Variants in ATRNL1 observed in about 807,000 individuals in gnomAD.
ATRNL1 encodes the protein attractin like 1.
A neutral mutation model predicts 182.7 loss-of-function variants in ATRNL1; 95 were observed. The observed-to-expected ratio is 0.52, with a 90% CI of 0.44 to 0.62. The LOEUF (loss-of-function observed/expected upper bound fraction) is 0.62, where lower values mean the gene tolerates loss of function less well. Among genes scored for constraint, ATRNL1 ranks in the 20% least tolerant of loss-of-function variants. The probability of loss-of-function intolerance (pLI) is 0.00; values close to 1 mark genes in which losing one functional copy is unlikely to be tolerated. For synonymous variants in ATRNL1, 576 were observed against 568.3 expected (o/e 1.01, Z -0.19); for missense variants, 1,471 against 1,679.5 (o/e 0.88, Z 2.17).
intron 26 of ATRNL1, among the ~76,000 whole-genome samples, chr10:115,598,350 ATTAT>A (rs35735636): frequency 8.2e-5 from 12 of 145,856 alleles, no homozygotes; most frequent in Admixed American, 1.4e-4. Context: ...ATTTAAAAAA[ATTAT>A]TTATTTATTT....
At chr10:115,587,610 C>G (rs1339788471) in intron 26 of ATRNL1, among the ~76,000 whole-genome samples, 3 of 113,462 alleles carry the variant, frequency 2.6e-5, no homozygotes, top group Non-Finnish European at 5.8e-5. Context: ...GCCTCGCCCG[C>G]TTCGGCTCGC....
At chr10:115,866,884 G>A (rs956138895) in intron 28 of ATRNL1, among the ~76,000 whole-genome samples, 7 of 152,120 alleles carry the variant, frequency 4.6e-5, no homozygotes, top group South Asian at 2.1e-4. Flanking sequence ...ATGCACATCC[G>A]CCTCTGAGTC....
chr10:115,474,031 A>G (rs1210213765), intron 24 of ATRNL1, among the ~76,000 whole-genome samples: 1 of 151,000 alleles, frequency 6.6e-6, no homozygotes, highest in Non-Finnish European at 1.5e-5. Flanking sequence ...TATCTTTTCT[A>G]TTGTTTTTCT....
At chr10:115,798,092 T>A (rs1555083450) in intron 27 of ATRNL1, among the ~76,000 whole-genome samples, 1 of 152,072 alleles carries the variant, frequency 6.6e-6, no homozygotes, top group African/African-American at 2.4e-5. Flanking sequence ...TAATTTTTTG[T>A]ATTTTTCGTA....
At chr10:115,292,361 C>A (rs1031370082) in intron 15 of ATRNL1, among the ~76,000 whole-genome samples, 19 of 151,498 alleles carry the variant, frequency 1.3e-4, no homozygotes, top group Non-Finnish European at 2.1e-4. Flanking sequence ...CAATAAAGAT[C>A]ATGATTGCCA....
intron 23 of ATRNL1, among the ~76,000 whole-genome samples, chr10:115,467,743 A>G (rs1848121125): frequency 6.6e-6 from 1 of 150,746 alleles, no homozygotes; most frequent in African/African-American, 2.4e-5. Context: ...AAACTGATAC[A>G]TAATATGTCT....
chr10:115,187,775 G>T (rs1184748657), intron 8 of ATRNL1, among the ~76,000 whole-genome samples: 3 of 143,454 alleles, frequency 2.1e-5, no homozygotes, highest in Non-Finnish European at 4.5e-5. Flanking sequence ...TCCACTTCCC[G>T]GGTTCAAGTG....
intron 9 of ATRNL1, among the ~76,000 whole-genome samples, chr10:115,226,347 A>G (rs1299863950): frequency 3.3e-5 from 5 of 152,110 alleles, no homozygotes; most frequent in Non-Finnish European, 5.9e-5. Flanking sequence ...ATGAGTAAAG[A>G]AAGATTTCTT....
intron 19 of ATRNL1, among the ~76,000 whole-genome samples, chr10:115,391,388 G>A (rs1320651371): frequency 6.6e-6 from 1 of 152,150 alleles, no homozygotes; most frequent in Non-Finnish European, 1.5e-5. Flanking sequence ...GTCTGGTAGT[G>A]GGATGGGTCT....
chr10:115,128,476 T>G, intron 4 of ATRNL1: 1 of 752,696 alleles, frequency 1.3e-6, no homozygotes, highest in Non-Finnish European at 1.6e-6. Flanking sequence ...CAGCAATTTA[T>G]TATGGAATTT....
At chr10:115,266,443 T>TA (rs552078476) in intron 11 of ATRNL1, among the ~76,000 whole-genome samples, 1 of 151,562 alleles carries the variant, frequency 6.6e-6, no homozygotes, top group East Asian at 1.9e-4. Flanking sequence ...TCTATATTAT[T>TA]AAAAAAATAC....
At chr10:115,140,106 G>A (rs180755158) in intron 5 of ATRNL1, among the ~76,000 whole-genome samples, 9 of 152,302 alleles carry the variant, frequency 5.9e-5, no homozygotes, top group Non-Finnish European at 1.3e-4. Context: ...AGAAAGAATT[G>A]TAAATTGCCT....
intron 10 of ATRNL1, among the ~76,000 whole-genome samples, chr10:115,255,638 T>A (rs1173563134): frequency 3.3e-5 from 5 of 152,138 alleles, no homozygotes; most frequent in African/African-American, 1.2e-4. Flanking sequence ...TTTCTTTCTC[T>A]TGCTTGATTG....
chr10:115,274,608 A>G (rs541765195), intron 13 of ATRNL1, among the ~76,000 whole-genome samples: 1 of 152,284 alleles, frequency 6.6e-6, no homozygotes, highest in Non-Finnish European at 1.5e-5. Context: ...GATGTTATCA[A>G]TATTATGGAT....
intron 20 of ATRNL1, among the ~76,000 whole-genome samples, chr10:115,413,386 T>C (rs1684062418): frequency 6.6e-6 from 1 of 152,098 alleles, no homozygotes; most frequent in East Asian, 1.9e-4. Context: ...AAAATAAAAA[T>C]TTGTTTATTC....
intron 10 of ATRNL1, among the ~76,000 whole-genome samples, chr10:115,250,342 G>A (rs558118902): frequency 1.3e-5 from 2 of 152,328 alleles, no homozygotes; most frequent in South Asian, 4.1e-4. Flanking sequence ...ACCACAGATG[G>A]TATGGCCTTT....
intron 26 of ATRNL1, among the ~76,000 whole-genome samples, chr10:115,684,187 A>G (rs1049348069): frequency 2.0e-5 from 3 of 151,568 alleles, no homozygotes; most frequent in Non-Finnish European, 4.4e-5. Flanking sequence ...GCAAGGGCTT[A>G]TAATTTAAAC....
At chr10:115,110,709 A>G (rs894673866) in intron 1 of ATRNL1, among the ~76,000 whole-genome samples, 2 of 152,360 alleles carry the variant, frequency 1.3e-5, no homozygotes, top group Admixed American at 6.5e-5. Context: ...ACATAGTTGA[A>G]AAAAGTTATT....
chr10:115,881,446 A>C (rs944411888), intron 28 of ATRNL1, among the ~76,000 whole-genome samples: 1 of 151,974 alleles, frequency 6.6e-6, no homozygotes, highest in African/African-American at 2.4e-5. Flanking sequence ...CAACACATCA[A>C]CTCTGTAGCA....
Sources: allele counts gnomAD v4.1 joint callset (sites outside exome capture counted in the v4.1 genomes callset), GRCh38; gene constraint gnomAD v4.1.1; transcripts MANE v1.5; gene names NCBI Gene and HGNC (gene_info 2026-07-23, HGNC 2026-07-21).